The following RAPGEF5 variants were observed in gnomAD, a reference collection of about 807,000 sequenced individuals.
RAPGEF5 encodes M-Ras-regulated GEF.
In RAPGEF5, 65 loss-of-function variants were observed where a neutral mutation model predicts 125.2. The observed-to-expected ratio is 0.52, with a 90% confidence interval of 0.43 to 0.64. The LOEUF (loss-of-function observed/expected upper bound fraction) is 0.64, where lower values mean the gene tolerates loss of function less well. Among genes scored for constraint, RAPGEF5 ranks in the 30% least tolerant of loss-of-function variants. The probability of loss-of-function intolerance (pLI) is 0.00; values close to 1 mark genes in which losing one functional copy is unlikely to be tolerated. For missense variants in RAPGEF5, 958 were observed against 1,048.1 expected, an observed-to-expected ratio of 0.91 and a Z score of 1.19; for synonymous variants, 391 against 385.9, an observed-to-expected ratio of 1.01 and a Z score of -0.16.
chr7:22,347,282 T>C (rs1784240530), intron 1 of RAPGEF5, among the ~76,000 whole-genome samples: 1 of 152,170 alleles, frequency 6.6e-6, no homozygotes, highest in Non-Finnish European at 1.5e-5. Flanking sequence ...AGATTGTTAA[T>C]ATAATCTTAA....
intron 16 of RAPGEF5, among the ~76,000 whole-genome samples, chr7:22,155,302 G>C (rs74884761): frequency 0.024 from 3,586 of 152,152 alleles, 53 homozygotes; most frequent in Middle Eastern, 0.065. Flanking sequence ...TCACTATCAG[G>C]GTGAATGGGT....
Position 22,160,524 on chromosome 7 carries a change from C to T in RAPGEF5, c.1520G>A (p.Arg507His), listed in dbSNP as rs1370074077. The T allele has an allele frequency of 1.9e-6, 3 of 1,541,154 alleles. No individual in the cohort carries two copies. The highest frequency in any genetic ancestry group is 2.6e-6 in the Non-Finnish European group (3 of 1,143,804). ...AGGAAAATGAAATACTTACTGACGA[C>T]GGTGCATTCCAAGTATCTTTTGAAA... ...KEFQKILGMHRRHTVDEYSPQ... is the reference protein window; with the variant it reads ...KEFQKILGMHHRHTVDEYSPQ... Residue 507 changes from arginine to histidine, a missense_variant, in exon 14 of 26, where the codon CGT (arginine) becomes CAT (histidine). Arg to His is a conservative substitution (Grantham distance 29). Transcript: ENST00000665637.
chr7:22,205,383 T>C (rs968276800), intron 9 of RAPGEF5, among the ~76,000 whole-genome samples: 6 of 152,244 alleles, frequency 3.9e-5, no homozygotes, highest in African/African-American at 1.2e-4. Flanking sequence ...GGTAAAACTT[T>C]GGATTTTTAC....
intron 6 of RAPGEF5, among the ~76,000 whole-genome samples, chr7:22,271,711 G>C (rs910100742): frequency 2.0e-5 from 3 of 152,228 alleles, no homozygotes; most frequent in African/African-American, 7.2e-5. Flanking sequence ...CTCTCCCCTA[G>C]TTACCCAACA....
chr7:22,174,059 T>C (rs1443199495), intron 11 of RAPGEF5, among the ~76,000 whole-genome samples: 2 of 152,148 alleles, frequency 1.3e-5, no homozygotes, highest in Admixed American at 6.5e-5. Context: ...ATCATATCTA[T>C]ACCTAGCAGA....
intron 6 of RAPGEF5, among the ~76,000 whole-genome samples, chr7:22,275,614 A>G (rs770391149): frequency 6.6e-6 from 1 of 152,216 alleles, no homozygotes; most frequent in Non-Finnish European, 1.5e-5. Flanking sequence ...GGTATATATC[A>G]GAAGTGCCCC....
chr7:22,296,589 A>G (rs181623530), intron 5 of RAPGEF5, among the ~76,000 whole-genome samples: 3 of 141,962 alleles, frequency 2.1e-5, no homozygotes, highest in African/African-American at 7.5e-5. Flanking sequence ...TGAAAGCCCA[A>G]TAAAAAAAAG....
At chr7:22,316,312 T>C (rs930852142) in intron 2 of RAPGEF5, among the ~76,000 whole-genome samples, 1 of 151,058 alleles carries the variant, frequency 6.6e-6, no homozygotes, top group African/African-American at 2.4e-5. Flanking sequence ...CCTACATAGT[T>C]TTACTTTTTT....
chr7:22,304,714 G>C (rs1297191808), intron 5 of RAPGEF5, among the ~76,000 whole-genome samples: 3 of 152,194 alleles, frequency 2.0e-5, no homozygotes, highest in Non-Finnish European at 4.4e-5. Flanking sequence ...AGCTGCTGAA[G>C]AACGCCAGTC....
intron 7 of RAPGEF5, among the ~76,000 whole-genome samples, chr7:22,256,263 T>A (rs2128139327): frequency 6.6e-6 from 1 of 152,246 alleles, no homozygotes; most frequent in East Asian, 1.9e-4. Flanking sequence ...CTCTACAGAG[T>A]CCTTGAGGCA....
chr7:22,226,856 GA>G (rs1400191387), intron 8 of RAPGEF5, among the ~76,000 whole-genome samples: 1 of 152,142 alleles, frequency 6.6e-6, no homozygotes, highest in Non-Finnish European at 1.5e-5. Flanking sequence ...CCATACTATA[GA>G]AATACTGTGT....
chr7:22,352,120 C>A (rs1784341808), intron 1 of RAPGEF5, among the ~76,000 whole-genome samples: 1 of 152,140 alleles, frequency 6.6e-6, no homozygotes, highest in Admixed American at 6.5e-5. Flanking sequence ...ATTCTGGCTG[C>A]TGTAAATGAA....
intron 2 of RAPGEF5, 67 bp downstream of exon 2, chr7:22,317,920 A>G: frequency 6.5e-7 from 1 of 1,539,988 alleles, no homozygotes; most frequent in Non-Finnish European, 8.8e-7. Context: ...CTGTAACTTG[A>G]TAATTGTACA....
At chr7:22,294,132 G>C (rs1022642000) in intron 5 of RAPGEF5, among the ~76,000 whole-genome samples, 1 of 152,090 alleles carries the variant, frequency 6.6e-6, no homozygotes, top group Non-Finnish European at 1.5e-5. Context: ...GAGAGAGAGA[G>C]ACAGAGAGAG....
At chr7:22,130,937 A>G (rs1782897129) in intron 24 of RAPGEF5, 100 bp downstream of exon 24, 1 of 1,460,942 alleles carries the variant, frequency 6.8e-7, no homozygotes, top group South Asian at 1.4e-5. Flanking sequence ...CCATGCATCC[A>G]ATGGAGAAAA....
Position 22,357,016 on chromosome 7 carries a change from C to T in RAPGEF5, c.45G>A (p.Glu15=), listed in dbSNP as rs551903959. 3.2e-3 allele frequency: 3,244 copies of T among 1,028,724 alleles called. 9 individuals are homozygous for T. The highest frequency in any genetic ancestry group is 6.5e-3 in the Middle Eastern group (14 of 2,150). The allele number at this position is 1,028,724 out of a possible 1,614,324, so 63.7% of individuals were successfully genotyped here. A position where few individuals can be genotyped will look rare whatever the true frequency, so the allele number is the denominator to read the frequency against. The change falls in exon 1 of 26, where the codon GAG becomes GAA. Residue 15 remains glutamate (E), a synonymous_variant. Coordinates refer to ENST00000665637, the MANE Select transcript of RAPGEF5 (RefSeq NM_012294.5). ...VGSVKMQPPC[E]SPALAAAAAV... is the part of the protein sequence containing the mutation. ...CCGCCGCGGCGGCCAGGGCCGGGCT[C>T]TCGCACGGCGGCTGCATCTTGACGG...
chr7:22,212,824 C>G (rs1028503824), intron 9 of RAPGEF5, among the ~76,000 whole-genome samples: 1 of 152,124 alleles, frequency 6.6e-6, no homozygotes, highest in African/African-American at 2.4e-5. Context: ...CACCTGGGGT[C>G]TGGAGTGAGA....
intron 4 of RAPGEF5, among the ~76,000 whole-genome samples, chr7:22,308,911 T>C (rs1211094663): frequency 6.6e-6 from 1 of 152,218 alleles, no homozygotes; most frequent in African/African-American, 2.4e-5. Flanking sequence ...AGGGTGACTG[T>C]GCCTCCCCCA....
intron 9 of RAPGEF5, 34 bp downstream of exon 9, chr7:22,219,832 T>G: frequency 6.4e-7 from 1 of 1,567,596 alleles, no homozygotes; most frequent in Non-Finnish European, 8.7e-7. Context: ...TTCCACCCCT[T>G]CAAACCTGCA....
Sources: allele counts gnomAD v4.1 joint callset (sites outside exome capture counted in the v4.1 genomes callset), GRCh38; gene constraint gnomAD v4.1.1; transcripts MANE v1.5; gene names NCBI Gene and HGNC (gene_info 2026-07-23, HGNC 2026-07-21).